The following SEMA3C variants were observed in gnomAD, a reference collection of about 807,000 sequenced individuals.
The protein encoded by SEMA3C is semaphorin 3C, also known as semaphorin-3C.
SEMA3C carries 47 observed loss-of-function variants against 89.4 expected under a neutral mutation model. The observed-to-expected ratio is 0.53, with a 90% CI of 0.42 to 0.67. SEMA3C has a LOEUF of 0.67. SEMA3C is among the 30% of genes least tolerant of loss of function. The pLI is 0.00. For synonymous variants in SEMA3C, 310 were observed against 320.2 expected, an observed-to-expected ratio of 0.97 and a Z score of 0.34; for missense variants, 839 against 929.1, an observed-to-expected ratio of 0.90 and a Z score of 1.26.
chr7:80,782,572 T>C (rs999019650), intron 12 of SEMA3C, among the ~76,000 whole-genome samples: 16 of 152,196 alleles, frequency 1.1e-4, no homozygotes, highest in African/African-American at 3.4e-4. Context: ...ATGCTCAATA[T>C]ATGAAATCAG....
At chr7:80,793,466 A>T (rs1183272781) in intron 11 of SEMA3C, 1 of 451,332 alleles carries the variant, frequency 2.2e-6, no homozygotes, top group East Asian at 7.0e-5. Context: ...AGAATAAAAA[A>T]TTACTGTTAT....
At chr7:80,746,490 A>T (rs1787802276) in intron 17 of SEMA3C, among the ~76,000 whole-genome samples, 1 of 152,176 alleles carries the variant, frequency 6.6e-6, no homozygotes, top group Non-Finnish European at 1.5e-5. Flanking sequence ...TTTTGAGTCC[A>T]ATATGGTAAA....
At chr7:80,853,927 T>C (rs573360976) in intron 2 of SEMA3C, among the ~76,000 whole-genome samples, 4 of 151,838 alleles carry the variant, frequency 2.6e-5, no homozygotes, top group Admixed American at 2.0e-4. Flanking sequence ...TATACACACC[T>C]GCTATGTACC....
At chr7:80,816,600 T>C (rs913112111) in intron 5 of SEMA3C, among the ~76,000 whole-genome samples, 3 of 152,170 alleles carry the variant, frequency 2.0e-5, no homozygotes, top group African/African-American at 7.2e-5. Context: ...ACTACAAATA[T>C]ATAAAAGTGA....
intron 2 of SEMA3C, among the ~76,000 whole-genome samples, chr7:80,874,884 C>A (rs1195576516): frequency 1.3e-5 from 2 of 151,968 alleles, no homozygotes; most frequent in South Asian, 2.1e-4. Context: ...AGTTCGAGAC[C>A]AGCCTGACCA....
intron 2 of SEMA3C, among the ~76,000 whole-genome samples, chr7:80,853,892 A>ATATG (rs556139546): frequency 3.0e-4 from 45 of 148,862 alleles, no homozygotes; most frequent in African/African-American, 1.1e-3. Flanking sequence ...CCCCATATAT[A>ATATG]TGTGTGTGTG....
chr7:80,866,973 A>G, intron 2 of SEMA3C, among the ~76,000 whole-genome samples: 1 of 152,236 alleles, frequency 6.6e-6, no homozygotes, highest in East Asian at 1.9e-4. Flanking sequence ...CTGTGAGTCA[A>G]GAAAGTTGAG....
chr7:80,825,046 T>G (rs1366339913), intron 4 of SEMA3C, among the ~76,000 whole-genome samples: 1 of 152,198 alleles, frequency 6.6e-6, no homozygotes, highest in Non-Finnish European at 1.5e-5. Flanking sequence ...TTTAAAAATA[T>G]TAGGTTATTA....
intron 2 of SEMA3C, among the ~76,000 whole-genome samples, chr7:80,843,247 T>A (rs890545499): frequency 6.6e-6 from 1 of 152,168 alleles, no homozygotes; most frequent in Non-Finnish European, 1.5e-5. Flanking sequence ...CTCAAGATAA[T>A]GGATATTCCA....
At position 80,892,685 on chromosome 7, in the gene SEMA3C, T is replaced by C. The variant is rs148804579; in HGVS notation, c.103+23994A>G. Among the ~76,000 whole-genome samples the C allele has an allele frequency of 8.9e-4, 135 of 152,276 alleles. 1 individual carries two copies. In the East Asian group the frequency reaches 0.023, roughly 26 times the overall value. On this transcript the variant is annotated intron_variant, in intron 2 of 17. Coordinates refer to ENST00000265361, the MANE Select transcript of SEMA3C (RefSeq NM_006379.5). ...TAGATTCCTTAAATAAGACATGTTG[T>C]CTAACAGGTATTTACAAGGCATTTC...
chr7:80,868,461 G>C (rs1214248215), intron 2 of SEMA3C, among the ~76,000 whole-genome samples: 6 of 152,060 alleles, frequency 3.9e-5, no homozygotes, highest in Admixed American at 6.6e-5. Flanking sequence ...TAGAGATGGA[G>C]TTTCACCATG....
At chr7:80,780,310 G>C (rs367551040) in intron 12 of SEMA3C, among the ~76,000 whole-genome samples, 2 of 152,136 alleles carry the variant, frequency 1.3e-5, no homozygotes, top group South Asian at 4.1e-4. Flanking sequence ...GTCCTGGAGT[G>C]CAATAAGCTC....
At chr7:80,879,847 C>T (rs1791292121) in intron 2 of SEMA3C, among the ~76,000 whole-genome samples, 2 of 152,080 alleles carry the variant, frequency 1.3e-5, no homozygotes, top group South Asian at 4.1e-4. Flanking sequence ...AGTGACCAAA[C>T]CTCTTCAGGG....
chr7:80,891,744 C>A (rs1205968390), intron 2 of SEMA3C, among the ~76,000 whole-genome samples: 2 of 152,028 alleles, frequency 1.3e-5, no homozygotes, highest in Non-Finnish European at 2.9e-5. Flanking sequence ...CTAAAAGTTA[C>A]AAAACTATGA....
chr7:80,781,143 A>G lies in SEMA3C; in HGVS notation c.1354+8163T>C, dbSNP rs1453477625. 2.0e-5 allele frequency among the ~76,000 whole-genome samples: 3 copies of G among 152,322 alleles called. No individual in the cohort carries two copies. The East Asian group carries it at 5.8e-4, about 29-fold the overall frequency. Reference sequence around the variant, plus strand: ...TCACATCTCTAACAATGGCCAGGAAAGCTCTGCTTTTTAAGAACTCATGTG... The same window carrying G: ...TCACATCTCTAACAATGGCCAGGAAGGCTCTGCTTTTTAAGAACTCATGTG... On this transcript the variant is annotated intron_variant, in intron 12 of 17. Transcript: ENST00000265361.
At chr7:80,752,439 G>A (rs779933216) in intron 15 of SEMA3C, among the ~76,000 whole-genome samples, 8 of 151,876 alleles carry the variant, frequency 5.3e-5, no homozygotes, top group Non-Finnish European at 7.4e-5. Flanking sequence ...GTAAAACCCC[G>A]TCTCTACTAA....
At chr7:80,798,261 A>AT (rs764520546) in intron 10 of SEMA3C, 25 bp from the exon 11 acceptor site, 1 of 1,392,808 alleles carries the variant, frequency 7.2e-7, no homozygotes, top group South Asian at 1.8e-5. Context: ...AGAAAAAGGC[A>AT]TTTTCAAATT....
chr7:80,895,413 T>C (rs1305246807), intron 2 of SEMA3C, among the ~76,000 whole-genome samples: 1 of 152,194 alleles, frequency 6.6e-6, no homozygotes, highest in Admixed American at 6.5e-5. Context: ...TAGTTTCTCC[T>C]ATGTAAACTG....
At chr7:80,856,556 A>C (rs1167521979) in intron 2 of SEMA3C, among the ~76,000 whole-genome samples, 2 of 151,096 alleles carry the variant, frequency 1.3e-5, no homozygotes, top group African/African-American at 2.4e-5. Flanking sequence ...AAAAAAAAAA[A>C]ACTAGGTTGG....
Sources: allele counts gnomAD v4.1 joint callset (sites outside exome capture counted in the v4.1 genomes callset), GRCh38; gene constraint gnomAD v4.1.1; transcripts MANE v1.5; gene names NCBI Gene and HGNC (gene_info 2026-07-23, HGNC 2026-07-21).